The following SH3YL1 variants were observed in gnomAD, a reference collection of about 807,000 sequenced individuals.
The protein encoded by SH3YL1 is SH3 and SYLF domain containing 1.
SH3YL1 carries 41 observed loss-of-function variants against 45.8 expected under a neutral mutation model. The observed-to-expected ratio is 0.89, with a 90% confidence interval of 0.70 to 1.16. SH3YL1 has a LOEUF of 1.16. Ranked by LOEUF, SH3YL1 falls within the 50% of genes most tolerant of loss-of-function variation. The probability of loss-of-function intolerance (pLI) is 0.00; values close to 1 mark genes in which losing one functional copy is unlikely to be tolerated. For synonymous variants in SH3YL1, 152 were observed against 151.4 expected (o/e 1.00, Z -0.03); for missense variants, 389 against 409.6 (o/e 0.95, Z 0.43).
intron 7 of SH3YL1, chr2:230,780 GTAT>G: frequency 2.1e-6 from 1 of 478,648 alleles, no homozygotes; most frequent in East Asian, 3.9e-5. Context: ...CATATTATTT[GTAT>G]TATTGATACA....
In SH3YL1 at chr2:222,196, T is replaced by C. The variant is rs372938229; in HGVS notation, c.838+2668A>G. On this transcript the variant is annotated intron_variant, in intron 9 of 9. Coordinates refer to ENST00000356150, the MANE Select transcript of SH3YL1 (RefSeq NM_015677.4). ...TTTCCTTTATAATATTCAAGTTTAGTTGAAGTAGGGGTTATTTTTCCCAAA... is the reference window on the plus strand; with the variant it reads ...TTTCCTTTATAATATTCAAGTTTAGCTGAAGTAGGGGTTATTTTTCCCAAA... Among the ~76,000 whole-genome samples, 4 of 152,110 alleles carry C rather than the reference T, an allele frequency of 2.6e-5. No homozygotes were observed. The East Asian group carries it at 5.8e-4, about 22-fold the overall frequency.
intron 8 of SH3YL1, among the ~76,000 whole-genome samples, chr2:229,661 G>A (rs1398713680): frequency 4.0e-5 from 6 of 148,550 alleles, no homozygotes; most frequent in East Asian, 4.0e-4. Flanking sequence ...CCCGGGAGGC[G>A]GAGCTTGCAG....
chr2:251,148 C>G (rs942154782), intron 2 of SH3YL1, among the ~76,000 whole-genome samples: 2 of 152,146 alleles, frequency 1.3e-5, no homozygotes, highest in Non-Finnish European at 2.9e-5. Flanking sequence ...TTCAGGGACA[C>G]TAACATATTA....
chr2:241,453 G>A (rs1668538798), intron 4 of SH3YL1: 1 of 151,978 alleles, frequency 6.6e-6, no homozygotes, highest in African/African-American at 2.4e-5. Context: ...AGTACTAGAA[G>A]GCAAGGAAAA....
At chr2:231,511 CATATAA>C (rs1356298978) in intron 6 of SH3YL1, among the ~76,000 whole-genome samples, 4 of 152,156 alleles carry the variant, frequency 2.6e-5, no homozygotes, top group Admixed American at 6.5e-5. Context: ...TATATAAACA[CATATAA>C]ATATACACAC....
chr2:229,391 T>C (rs1345167018), intron 8 of SH3YL1, among the ~76,000 whole-genome samples: 1 of 152,016 alleles, frequency 6.6e-6, no homozygotes, highest in Non-Finnish European at 1.5e-5. Flanking sequence ...GCACAGAAAA[T>C]AAATGAGAAA....
At chr2:247,276 C>T (rs1668861044) in intron 4 of SH3YL1, among the ~76,000 whole-genome samples, 1 of 152,108 alleles carries the variant, frequency 6.6e-6, no homozygotes, top group African/African-American at 2.4e-5. Flanking sequence ...TTGGGATGTG[C>T]CTGTTATACA....
intron 1 of SH3YL1, among the ~76,000 whole-genome samples, chr2:261,687 C>T (rs775199061): frequency 3.9e-5 from 6 of 152,144 alleles, no homozygotes; most frequent in Non-Finnish European, 7.3e-5. Flanking sequence ...GAATCCTACT[C>T]GGAGTAAATT....
intron 9 of SH3YL1, among the ~76,000 whole-genome samples, chr2:220,212 T>TAATA (rs1667513514): frequency 6.6e-6 from 1 of 150,408 alleles, no homozygotes; most frequent in Non-Finnish European, 1.5e-5. Context: ...ATAATAATAA[T>TAATA]AAAGTGAATT....
chr2:250,894 G>A (rs1282060922), intron 2 of SH3YL1, among the ~76,000 whole-genome samples: 1 of 152,184 alleles, frequency 6.6e-6, no homozygotes, highest in Non-Finnish European at 1.5e-5. Context: ...TGTCTACTAA[G>A]TGTACTTTAT....
rs944655015 is a variant in SH3YL1 at position 234,971 on chromosome 2, G to A, written c.292-699C>T. Among the ~76,000 whole-genome samples the A allele has an allele frequency of 5.3e-5, 8 of 152,132 alleles. No individual in the cohort carries two copies. In the East Asian group the frequency reaches 5.8e-4, roughly 11 times the overall value. On this transcript the variant is annotated intron_variant, in intron 4 of 9. Coordinates refer to ENST00000356150, the MANE Select transcript of SH3YL1 (RefSeq NM_015677.4). ...GAGCTCACTGCAACCTCCGCCTCCC[G>A]GGTTCAAGTGATTCTCCTGTCTCAG...
intron 1 of SH3YL1, chr2:259,339 G>T (rs1200936601): frequency 6.6e-6 from 1 of 152,040 alleles, no homozygotes; most frequent in Non-Finnish European, 1.5e-5. Context: ...TTTACAGGGG[G>T]TTTCTCTCTG....
At chr2:264,084 C>T, upstream of SH3YL1, 4 of 1,342,968 alleles carry the variant, frequency 3.0e-6, no homozygotes, top group Non-Finnish European at 3.8e-6. Context: ...GAGGGCGTAC[C>T]TGCGGCAGGT....
At chr2:221,133 T>G (rs372798543) in intron 9 of SH3YL1, among the ~76,000 whole-genome samples, 2 of 152,176 alleles carry the variant, frequency 1.3e-5, no homozygotes, top group East Asian at 3.9e-4. Context: ...AGATAACAAG[T>G]AATTTGTCCA....
At chr2:253,469 G>A (rs187417906) in intron 1 of SH3YL1, among the ~76,000 whole-genome samples, 400 of 152,254 alleles carry the variant, frequency 2.6e-3, no homozygotes, top group African/African-American at 9.2e-3. Flanking sequence ...ATTCTAATGC[G>A]TTAGCTGCCA....
chr2:223,732 C>T (rs1018229138), intron 9 of SH3YL1, among the ~76,000 whole-genome samples: 8 of 152,176 alleles, frequency 5.3e-5, no homozygotes, highest in African/African-American at 1.9e-4. Flanking sequence ...ATTTTTAAAA[C>T]CTCTCAGAGC....
At chr2:229,777 G>T in intron 8 of SH3YL1, 189 bp downstream of exon 8, 3 of 382,472 alleles carry the variant, frequency 7.8e-6, no homozygotes, top group Non-Finnish European at 9.8e-6. Context: ...AGAAAGAGAA[G>T]TTTTCATAAA....
At chr2:221,893 A>G (rs931801629) in intron 9 of SH3YL1, among the ~76,000 whole-genome samples, 3 of 152,194 alleles carry the variant, frequency 2.0e-5, no homozygotes, top group Non-Finnish European at 2.9e-5. Flanking sequence ...TTTTCTTTGA[A>G]AAACTCCAAA....
At chr2:251,304 G>A (rs1000433134) in intron 2 of SH3YL1, among the ~76,000 whole-genome samples, 2 of 152,210 alleles carry the variant, frequency 1.3e-5, no homozygotes, top group Non-Finnish European at 2.9e-5. Flanking sequence ...AAGGTTTTAA[G>A]ATCTAGATGT....
Sources: gnomAD v4.1 joint callset for allele counts (sites outside exome capture counted in the v4.1 genomes callset) on GRCh38, gnomAD v4.1.1 for gene constraint, MANE v1.5 for transcripts, NCBI Gene and HGNC (gene_info 2026-07-23, HGNC 2026-07-21) for gene names.